Variants in DIRAS2 observed in about 807,000 individuals in gnomAD.
DIRAS2 encodes the protein GTP-binding protein Di-Ras2.
DIRAS2 carries 5 observed loss-of-function variants against 13.9 expected under a neutral mutation model. The ratio of observed to expected loss-of-function variants is 0.36; its 90% CI spans 0.19 to 0.76. DIRAS2 has a LOEUF of 0.76. Among genes scored for constraint, DIRAS2 ranks in the 30% least tolerant of loss-of-function variants. DIRAS2 has a pLI of 0.53. For missense variants in DIRAS2, 191 were observed against 263.0 expected (o/e 0.73, Z 1.89); for synonymous variants, 111 against 105.4 (o/e 1.05, Z -0.33).
At chr9:90,627,972 T>C (rs1455439071) in intron 1 of DIRAS2, among the ~76,000 whole-genome samples, 1 of 151,886 alleles carries the variant, frequency 6.6e-6, no homozygotes, top group Non-Finnish European at 1.5e-5. Context: ...GGCACGTGTA[T>C]ACCTATGTAG....
In DIRAS2 at chr9:90,642,803, AGGACAG is replaced by A. The variant is rs1825430238; in HGVS notation, c.-94_-89del. 2 of 152,298 alleles carry A rather than the reference AGGACAG, an allele frequency of 1.3e-5. No homozygotes were observed. Among genetic ancestry groups the A allele is most frequent in the South Asian group, 4.1e-4 (2 of 4,830 alleles). The allele number at this position is 152,298 out of a possible 1,614,324, so 9.4% of individuals were successfully genotyped here. On this transcript the variant is annotated 5_prime_UTR_variant, in exon 1 of 2. Coordinates refer to ENST00000375765, the MANE Select transcript of DIRAS2 (RefSeq NM_017594.5). ...AGCTTCTTCAGAGCTCCACTCGCGC[AGGACAG>A]GGCAGCGCAGGGTGTGTGGATGCGG... is the stretch of plus-strand genomic sequence containing the variant.
rs942686501 is a variant in DIRAS2, at chr9:90,610,620, C to A, written c.*2608G>T. The A allele has an allele frequency of 2.1e-5, 8 of 389,980 alleles. No homozygotes were observed. Among genetic ancestry groups the A allele is most frequent in the Non-Finnish European group, 3.2e-5 (7 of 221,710 alleles). 24.2% of individuals were successfully genotyped at this position (389,980 alleles called of 1,614,324 possible). ...CTACATATTTGGGAATGGAAACGTA[C>A]AAATGCTTTAAAAAAATCTAATTCT... On this transcript the variant is annotated 3_prime_UTR_variant, in exon 2 of 2. Transcript: ENST00000375765.
intron 1 of DIRAS2, among the ~76,000 whole-genome samples, chr9:90,624,895 G>A (rs1825254217): frequency 6.6e-6 from 1 of 152,064 alleles, no homozygotes; most frequent in Admixed American, 6.5e-5. Context: ...CCGACGTGTT[G>A]GGCTTATAGG....
At chr9:90,628,403 C>T (rs1032859295) in intron 1 of DIRAS2, among the ~76,000 whole-genome samples, 2 of 152,104 alleles carry the variant, frequency 1.3e-5, no homozygotes, top group Non-Finnish European at 1.5e-5. Context: ...TTACTGCCAC[C>T]CACAGCTGTG....
Position 90,610,125 on chromosome 9 carries a change from C to G in DIRAS2, c.*3103G>C, listed in dbSNP as rs1011535346. On this transcript the variant is annotated 3_prime_UTR_variant, in exon 2 of 2. Coordinates refer to ENST00000375765, the MANE Select transcript of DIRAS2 (RefSeq NM_017594.5). ...TGTGTCCTATTAGTTGTAGATATTTCCAGAGAACTTATGTAGAAGCAACAC... is the reference window on the plus strand; with the variant it reads ...TGTGTCCTATTAGTTGTAGATATTTGCAGAGAACTTATGTAGAAGCAACAC... 1.1e-5 allele frequency: 3 copies of G among 277,448 alleles called. No individual in the cohort carries two copies. The highest frequency in any genetic ancestry group is 2.0e-5 in the Non-Finnish European group (3 of 151,384). The allele number at this position is 277,448 out of a possible 1,614,324, so 17.2% of individuals were successfully genotyped here.
At chr9:90,621,128 T>TG (rs1242271437) in intron 1 of DIRAS2, among the ~76,000 whole-genome samples, 1 of 151,948 alleles carries the variant, frequency 6.6e-6, no homozygotes, top group East Asian at 1.9e-4. Flanking sequence ...TAAGTGACAT[T>TG]GGGGGGTGTG....
chr9:90,642,335 G>A (rs1029182758), intron 1 of DIRAS2, among the ~76,000 whole-genome samples: 5 of 152,210 alleles, frequency 3.3e-5, no homozygotes, highest in Non-Finnish European at 5.9e-5. Context: ...AGGAGTCGAG[G>A]ATGAAAGCAT....
At chr9:90,618,918 C>T (rs1281968584) in intron 1 of DIRAS2, among the ~76,000 whole-genome samples, 3 of 151,984 alleles carry the variant, frequency 2.0e-5, no homozygotes, top group East Asian at 3.9e-4. Flanking sequence ...CCGAGGCAGG[C>T]AGATCACAAG....
rs574148329 is a variant in DIRAS2 at position 90,611,108 on chromosome 9, A to G, written c.*2120T>C. 17 of 152,308 alleles carry G rather than the reference A, an allele frequency of 1.1e-4. No homozygotes were observed. The highest frequency in any genetic ancestry group is 4.1e-4 in the African/African-American group (17 of 41,564). 9.4% of individuals were successfully genotyped at this position (152,308 alleles called of 1,614,324 possible). A position where few individuals can be genotyped will look rare whatever the true frequency, so the allele number is the denominator to read the frequency against. The stretch of plus-strand genomic sequence containing the variant: ...TCTTCTTCCATTTAACCTATACCCA[A>G]ATTAAAACTTGATCATCTCTCTCTC... On this transcript the variant is annotated 3_prime_UTR_variant, in exon 2 of 2. Transcript: ENST00000375765.
intron 1 of DIRAS2, among the ~76,000 whole-genome samples, chr9:90,627,176 T>C (rs1032779683): frequency 1.3e-5 from 2 of 152,184 alleles, no homozygotes; most frequent in Admixed American, 6.5e-5. Context: ...TCTTCTGCCG[T>C]GATTGTACGC....
intron 1 of DIRAS2, among the ~76,000 whole-genome samples, chr9:90,616,537 G>A (rs1220683952): frequency 6.6e-6 from 1 of 152,132 alleles, no homozygotes; most frequent in Non-Finnish European, 1.5e-5. Flanking sequence ...AAGATGAACA[G>A]GAGTCAGAAA....
chr9:90,618,518 A>G (rs962250651), intron 1 of DIRAS2, among the ~76,000 whole-genome samples: 1 of 152,216 alleles, frequency 6.6e-6, no homozygotes, highest in African/African-American at 2.4e-5. Flanking sequence ...GTTTTCTTAG[A>G]TGTGACACCA....
chr9:90,616,323 A>G (rs746292736), intron 1 of DIRAS2, among the ~76,000 whole-genome samples: 3 of 152,246 alleles, frequency 2.0e-5, no homozygotes, highest in Non-Finnish European at 2.9e-5. Flanking sequence ...ACAACTGTGC[A>G]GAGGACAGAC....
intron 1 of DIRAS2, among the ~76,000 whole-genome samples, chr9:90,618,818 T>A (rs1376992546): frequency 6.6e-6 from 1 of 152,024 alleles, no homozygotes; most frequent in Non-Finnish European, 1.5e-5. Flanking sequence ...CAATAATAAG[T>A]CAATAACATG....
intron 1 of DIRAS2, among the ~76,000 whole-genome samples, chr9:90,616,858 G>A (rs933264270): frequency 2.6e-5 from 4 of 151,832 alleles, no homozygotes; most frequent in Non-Finnish European, 5.9e-5. Context: ...TTACCCAACA[G>A]CACTCACAGC....
intron 1 of DIRAS2, among the ~76,000 whole-genome samples, chr9:90,621,932 C>T (rs1431117053): frequency 6.6e-6 from 1 of 152,146 alleles, no homozygotes; most frequent in Non-Finnish European, 1.5e-5. Context: ...TATATGTGTT[C>T]TGTGCTTTGC....
Position 90,627,244 on chromosome 9 carries a change from C to G in DIRAS2, c.-36-13381G>C, listed in dbSNP as rs180691238. ...ATGGTTCCTGTACAGCCTGCAGAAC[C>G]ATGAGCCAACTAAGCCTCTTTTCTT... is the stretch of plus-strand genomic sequence containing the variant. On this transcript the variant is annotated intron_variant, in intron 1 of 1. Transcript: ENST00000375765. Among the ~76,000 whole-genome samples the G allele has an allele frequency of 2.1e-4, 32 of 152,316 alleles. No individual in the cohort carries two copies. In the East Asian group the frequency reaches 5.0e-3, roughly 24 times the overall value.
Position 90,613,018 on chromosome 9 carries a change from C to T in DIRAS2, c.*210G>A. On this transcript the variant is annotated 3_prime_UTR_variant, in exon 2 of 2. Transcript: ENST00000375765. This position sits in a 1 kb window ranked among gnomAD's most constrained non-coding sequence, Gnocchi z 5.6. ...GGGATGCTGAGTGTGTTGGTTTTCA[C>T]TTGAACCGCCTGGCAGATTCTGTGA... 1 of 653,570 alleles carries T rather than the reference C, an allele frequency of 1.5e-6. No individual in the cohort carries two copies. Among genetic ancestry groups the T allele is most frequent in the Non-Finnish European group, 2.5e-6 (1 of 398,944 alleles). The allele number at this position is 653,570 out of a possible 1,614,324, so 40.5% of individuals were successfully genotyped here.
At chr9:90,619,167 C>T (rs748643384) in intron 1 of DIRAS2, among the ~76,000 whole-genome samples, 16 of 152,012 alleles carry the variant, frequency 1.1e-4, no homozygotes, top group African/African-American at 3.6e-4. Flanking sequence ...AGGCTGGGGG[C>T]GGTGGCTCAT....
Sources: allele counts gnomAD v4.1 joint callset (sites outside exome capture counted in the v4.1 genomes callset), GRCh38; gene constraint gnomAD v4.1.1; non-coding constraint Gnocchi (gnomAD v3.1); transcripts MANE v1.5; gene names NCBI Gene and HGNC (gene_info 2026-07-23, HGNC 2026-07-21).